The following CNGB3 variants were observed in gnomAD, a reference collection of about 807,000 sequenced individuals.
CNGB3 encodes cyclic nucleotide-gated channel beta-3.
A neutral mutation model predicts 92.8 loss-of-function variants in CNGB3; 86 were observed. The ratio of observed to expected loss-of-function variants is 0.93; its 90% confidence interval spans 0.78 to 1.11. The LOEUF is 1.11. CNGB3 is among the 50% of genes least tolerant of loss of function. The pLI is 0.00. For synonymous variants in CNGB3, 333 were observed against 332.7 expected, an observed-to-expected ratio of 1.00 and a Z score of -0.01; for missense variants, 1,026 against 956.8, an observed-to-expected ratio of 1.07 and a Z score of -0.95.
chr8:86,595,951 A>G (rs966853731), intron 15 of CNGB3, among the ~76,000 whole-genome samples: 1 of 152,188 alleles, frequency 6.6e-6, no homozygotes, highest in Non-Finnish European at 1.5e-5. Flanking sequence ...AATAGGGGAA[A>G]AGACAGCATT....
chr8:86,715,337 G>T (rs1266810934), intron 3 of CNGB3, among the ~76,000 whole-genome samples: 1 of 152,062 alleles, frequency 6.6e-6, no homozygotes, highest in Non-Finnish European at 1.5e-5. Context: ...GGTATCCATG[G>T]CTGAGAGACC....
chr8:86,694,521 G>T (rs1239381284), intron 3 of CNGB3, among the ~76,000 whole-genome samples: 6 of 151,408 alleles, frequency 4.0e-5, no homozygotes, highest in African/African-American at 1.5e-4. Context: ...CTGCCGGGTG[G>T]CGGGACTCCT....
rs1821929041 is a variant in CNGB3 at position 86,587,698 on chromosome 8, T to G, written c.1782-8446A>C. Among the ~76,000 whole-genome samples, 3 of 150,576 alleles carry G rather than the reference T, an allele frequency of 2.0e-5. No individual in the cohort carries two copies. The South Asian group carries it at 6.3e-4, about 32-fold the overall frequency. On this transcript the variant is annotated intron_variant, in intron 15 of 17. Coordinates refer to ENST00000320005, the MANE Select transcript of CNGB3 (RefSeq NM_019098.5). Reference sequence around the variant, plus strand: ...CTCTGTTCTGTTCCATTGATCTATATCTCTGTTTTGGTACCAGTACCATGC... The same window carrying G: ...CTCTGTTCTGTTCCATTGATCTATAGCTCTGTTTTGGTACCAGTACCATGC...
In CNGB3 at chr8:86,742,605, A is replaced by C. The variant is rs188272067; in HGVS notation, c.129+894T>G. 2.7e-3 allele frequency among the ~76,000 whole-genome samples: 417 copies of C among 152,262 alleles called. 2 individuals carry two copies. The highest frequency in any genetic ancestry group is 4.6e-3 in the Non-Finnish European group (311 of 68,008). On this transcript the variant is annotated intron_variant, in intron 1 of 17. Transcript: ENST00000320005. Reference sequence around the variant, plus strand: ...TCATCCAGCTGTTTCAGATGGCAAAATAACTACTGCTCTAAAAATCTTCTG... The same window carrying C: ...TCATCCAGCTGTTTCAGATGGCAAACTAACTACTGCTCTAAAAATCTTCTG...
At chr8:86,691,679 T>A (rs1824319578) in intron 3 of CNGB3, among the ~76,000 whole-genome samples, 1 of 152,140 alleles carries the variant, frequency 6.6e-6, no homozygotes, top group Non-Finnish European at 1.5e-5. Flanking sequence ...AAATAACCAG[T>A]GTTTTTGTTT....
At chr8:86,724,055 G>A (rs2131669710) in intron 3 of CNGB3, among the ~76,000 whole-genome samples, 1 of 152,048 alleles carries the variant, frequency 6.6e-6, no homozygotes, top group Non-Finnish European at 1.5e-5. Flanking sequence ...GGAGGCTGAG[G>A]GTCAAAAAAC....
rs551375538 is a variant in CNGB3, at chr8:86,625,393, A to C, written c.1578+590T>G. On this transcript the variant is annotated intron_variant, in intron 13 of 17. Transcript: ENST00000320005. ...GAATGGATGAGTCGGTGAATGCTAT[A>C]CCCAGAAGGAAATATTAGGTGAGAA... is the stretch of plus-strand genomic sequence containing the variant. Among the ~76,000 whole-genome samples, 51 of 152,314 alleles carry C rather than the reference A, an allele frequency of 3.3e-4. No individual in the cohort carries two copies. In the East Asian group the frequency reaches 9.8e-3, roughly 29 times the overall value.
At position 86,726,607 on chromosome 8, in the gene CNGB3, G is replaced by C; in HGVS notation, c.262C>G (p.Pro88Ala). ...SSGDLTTNPDPQNAAEPTGTV... is the reference protein window; with the variant it reads ...SSGDLTTNPDAQNAAEPTGTV... The stretch of plus-strand genomic sequence containing the variant: ...CCAGTTGGTTCTGCTGCATTTTGAG[G>C]GTCAGGGTTTGTGGTCAGATCTCCA... Residue 88 changes from proline to alanine, a missense_variant, in exon 3 of 18, where the codon CCT becomes GCT. Transcript: ENST00000320005. 1 of 1,613,712 alleles carries C rather than the reference G, an allele frequency of 6.2e-7. No individual in the cohort carries two copies. The highest frequency in any genetic ancestry group is 8.5e-7 in the Non-Finnish European group (1 of 1,179,798).
intron 10 of CNGB3, among the ~76,000 whole-genome samples, chr8:86,637,907 C>A (rs1469581840): frequency 2.6e-5 from 4 of 152,138 alleles, no homozygotes; most frequent in Non-Finnish European, 5.9e-5. Flanking sequence ...CAGAGGCAAT[C>A]ACCTGTTCTA....
chr8:86,593,685 C>T, intron 15 of CNGB3: 1 of 683,296 alleles, frequency 1.5e-6, no homozygotes. Flanking sequence ...CACAGCCAGA[C>T]CTCACTAGGC....
At chr8:86,708,990 G>T (rs888351154) in intron 3 of CNGB3, among the ~76,000 whole-genome samples, 17 of 152,196 alleles carry the variant, frequency 1.1e-4, no homozygotes, top group Non-Finnish European at 1.8e-4. Flanking sequence ...GGGTGTGGCT[G>T]GTCACTCATG....
chr8:86,640,920 G>A (rs1823170793), intron 10 of CNGB3, among the ~76,000 whole-genome samples: 1 of 152,004 alleles, frequency 6.6e-6, no homozygotes, highest in South Asian at 2.1e-4. Flanking sequence ...GGTAAAATAA[G>A]GCTGCGACCT....
Position 86,716,270 on chromosome 8 carries a change from A to G in CNGB3, c.338+10261T>C, listed in dbSNP as rs529137620. On this transcript the variant is annotated intron_variant, in intron 3 of 17. Coordinates refer to ENST00000320005, the MANE Select transcript of CNGB3 (RefSeq NM_019098.5). ...GAATAATTGGTGTTCCTGGGGAAGA[A>G]GAGAAATCTAAAAGTTTGGAGAATA... is the stretch of plus-strand genomic sequence containing the variant. Among the ~76,000 whole-genome samples the G allele has an allele frequency of 1.1e-3, 171 of 152,318 alleles. 1 individual carries two copies. The highest frequency in any genetic ancestry group is 2.0e-3 in the Non-Finnish European group (138 of 68,020).
intron 14 of CNGB3, among the ~76,000 whole-genome samples, chr8:86,606,386 T>A (rs1317691441): frequency 6.6e-6 from 1 of 152,014 alleles, no homozygotes; most frequent in South Asian, 2.1e-4. Flanking sequence ...CCTGGACTTA[T>A]GTGATCCTGC....
chr8:86,685,932 T>A (rs1824179673), intron 3 of CNGB3, among the ~76,000 whole-genome samples: 1 of 151,954 alleles, frequency 6.6e-6, no homozygotes. Context: ...GTGAATTTTT[T>A]AATATTTAAA....
chr8:86,661,454 G>A, intron 6 of CNGB3: 2 of 560,790 alleles, frequency 3.6e-6, no homozygotes, highest in Non-Finnish European at 6.9e-6. Flanking sequence ...TCCATGATCT[G>A]CATACGTCCC....
At chr8:86,659,689 G>T in intron 6 of CNGB3, 1 of 424,298 alleles carries the variant, frequency 2.4e-6, no homozygotes. Context: ...AGCATGCTGA[G>T]TGTAATACAG....
intron 6 of CNGB3, among the ~76,000 whole-genome samples, chr8:86,656,212 A>G (rs1473930420): frequency 6.6e-6 from 1 of 152,230 alleles, no homozygotes; most frequent in East Asian, 1.9e-4. Flanking sequence ...ATGTACCACA[A>G]GAGTAAAATC....
Position 86,667,890 on chromosome 8 carries a change from T to G in CNGB3, c.643+129A>C. The G allele has an allele frequency of 8.7e-6, 9 of 1,033,150 alleles. No individual in the cohort carries two copies. In the South Asian group the frequency reaches 1.0e-4, roughly 12 times the overall value. 64.0% of individuals were successfully genotyped at this position (1,033,150 alleles called of 1,614,324 possible). Reference sequence around the variant, plus strand: ...ATGATCCTTTGCAGGTTATTTAATTTAAATTCTGCTTCCTAGTTAGATTGA... The same window carrying G: ...ATGATCCTTTGCAGGTTATTTAATTGAAATTCTGCTTCCTAGTTAGATTGA... On this transcript the variant is annotated intron_variant, in intron 5 of 17. Coordinates refer to ENST00000320005, the MANE Select transcript of CNGB3 (RefSeq NM_019098.5).
Sources: gnomAD v4.1 joint callset for allele counts (sites outside exome capture counted in the v4.1 genomes callset) on GRCh38, gnomAD v4.1.1 for gene constraint, MANE v1.5 for transcripts, NCBI Gene and HGNC (gene_info 2026-07-23, HGNC 2026-07-21) for gene names.